The following RPS6KB1 variants were observed in gnomAD, a reference collection of about 807,000 sequenced individuals.
RPS6KB1 encodes ribosomal protein S6 kinase B1.
A neutral mutation model predicts 70.2 loss-of-function variants in RPS6KB1; 12 were observed. That is an observed-to-expected ratio of 0.17 (90% CI 0.11 to 0.28). The LOEUF (loss-of-function observed/expected upper bound fraction) is 0.28, where lower values mean the gene tolerates loss of function less well. Among genes scored for constraint, RPS6KB1 ranks in the 10% least tolerant of loss-of-function variants. The pLI is 1.00. For synonymous variants in RPS6KB1, 175 were observed against 211.2 expected (o/e 0.83, Z 1.49); for missense variants, 270 against 646.6 (o/e 0.42, Z 6.32).
chr17:59,943,074 T>C (rs968043368), intron 13 of RPS6KB1, among the ~76,000 whole-genome samples: 1 of 152,140 alleles, frequency 6.6e-6, no homozygotes, highest in East Asian at 1.9e-4. Context: ...CAACACTGAA[T>C]AGTAATAATC....
At chr17:59,929,910 T>C (rs992958505) in intron 5 of RPS6KB1, among the ~76,000 whole-genome samples, 1 of 152,194 alleles carries the variant, frequency 6.6e-6, no homozygotes, top group Non-Finnish European at 1.5e-5. Context: ...TTTAAATATA[T>C]GTGTGTCACA....
chr17:59,929,135 T>G (rs994069440), intron 5 of RPS6KB1, among the ~76,000 whole-genome samples: 8 of 143,100 alleles, frequency 5.6e-5, no homozygotes, highest in Non-Finnish European at 1.2e-4. Flanking sequence ...AGTTTTGTTG[T>G]TTTTTTTTTT....
At position 59,912,313 on chromosome 17, in the gene RPS6KB1, C is replaced by T. The variant is rs1476269676; in HGVS notation, c.192-371C>T. ...TCCAGAAATACGGCCTCAATATGTG[C>T]GCCAGTGTTTCTATCAGTAAACGAA... On this transcript the variant is annotated intron_variant, in intron 2 of 14. Transcript: ENST00000225577. 13 of 231,976 alleles carry T rather than the reference C, an allele frequency of 5.6e-5. No homozygotes were observed. In the South Asian group the frequency reaches 5.8e-4, roughly 10 times the overall value. The allele number at this position is 231,976 out of a possible 1,614,324, so 14.4% of individuals were successfully genotyped here.
intron 4 of RPS6KB1, among the ~76,000 whole-genome samples, chr17:59,919,726 G>A (rs550341257): frequency 6.6e-6 from 1 of 152,064 alleles, no homozygotes; most frequent in African/African-American, 2.4e-5. Flanking sequence ...TTAGTATGGA[G>A]ATGGGAGCCT....
chr17:59,895,782 A>C (rs953804974), intron 1 of RPS6KB1, among the ~76,000 whole-genome samples: 1 of 150,170 alleles, frequency 6.7e-6, no homozygotes, highest in Non-Finnish European at 1.5e-5. Flanking sequence ...ACAGGCGCGC[A>C]CCACCATGCC....
intron 1 of RPS6KB1, among the ~76,000 whole-genome samples, chr17:59,896,754 C>T (rs939173150): frequency 6.6e-6 from 1 of 151,968 alleles, no homozygotes; most frequent in Non-Finnish European, 1.5e-5. Flanking sequence ...GAGGAAGAGA[C>T]TTCTGTAAAA....
chr17:59,939,826 A>G (rs1278318495), intron 12 of RPS6KB1, among the ~76,000 whole-genome samples: 1 of 152,200 alleles, frequency 6.6e-6, no homozygotes, highest in East Asian at 1.9e-4. Context: ...TATAAGGTCA[A>G]TGTGGTCATC....
At chr17:59,902,911 G>A (rs770965734) in intron 1 of RPS6KB1, among the ~76,000 whole-genome samples, 21 of 152,024 alleles carry the variant, frequency 1.4e-4, no homozygotes, top group Non-Finnish European at 2.8e-4. Flanking sequence ...CTGGGTGTGG[G>A]GGCTCATGCC....
At chr17:59,928,112 C>T (rs1011199890) in intron 5 of RPS6KB1, among the ~76,000 whole-genome samples, 7 of 151,698 alleles carry the variant, frequency 4.6e-5, no homozygotes, top group African/African-American at 1.5e-4. Flanking sequence ...GAGCTGAGAT[C>T]GCGCCAGTAC....
chr17:59,944,643 C>A (rs1034204855), intron 13 of RPS6KB1, among the ~76,000 whole-genome samples: 1 of 152,100 alleles, frequency 6.6e-6, no homozygotes, highest in African/African-American at 2.4e-5. Flanking sequence ...AGAAAGATCA[C>A]AAGATCTGAC....
intron 1 of RPS6KB1, among the ~76,000 whole-genome samples, chr17:59,899,536 A>G (rs1302249062): frequency 6.6e-6 from 1 of 152,218 alleles, no homozygotes; most frequent in African/African-American, 2.4e-5. Context: ...TAAAGAAAAA[A>G]CAATTATGTA....
intron 2 of RPS6KB1, chr17:59,912,464 AATTG>A (rs2042704135): frequency 4.6e-6 from 2 of 435,682 alleles, no homozygotes; most frequent in Non-Finnish European, 4.2e-6. Context: ...ATAAGTAAAT[AATTG>A]ATTGCCCATT....
rs932529748 is a variant in RPS6KB1, at chr17:59,893,863, C to A, written c.141+538C>A. 1.0e-6 allele frequency: 1 copy of A among 985,412 alleles called. No homozygotes were observed. Among genetic ancestry groups the A allele is most frequent in the Non-Finnish European group, 1.2e-6 (1 of 830,040 alleles). 61.0% of individuals were successfully genotyped at this position (985,412 alleles called of 1,614,324 possible). A position where few individuals can be genotyped will look rare whatever the true frequency, so the allele number is the denominator to read the frequency against. On this transcript the variant is annotated intron_variant, in intron 1 of 14. Transcript: ENST00000225577. The surrounding 1 kb of genome is among the most constrained non-coding windows in gnomAD (Gnocchi z 4.1). ...GGGAGTAGCACTGCCGCTGCTGTTA[C>A]AGCCACCAGGAGTTTTATTTCGGGA...
Position 59,930,163 on chromosome 17 carries a change from A to C in RPS6KB1, c.576A>C (p.Glu192Asp). The change falls in exon 6 of 15, where the codon GAA becomes GAC. Residue 192 changes from glutamate (E) to aspartate (D), a missense_variant. Physicochemically the swap from Glu to Asp is conservative, Grantham distance 45. Around this residue, in one of 4 missense-constraint regions of RPS6KB1, gnomAD observed 21 missense variants for 135.9 expected, o/e 0.15. Coordinates refer to ENST00000225577, the MANE Select transcript of RPS6KB1 (RefSeq NM_003161.4). ...MQLEREGIFMEDTACFYLAEI... is the reference protein window; with the variant it reads ...MQLEREGIFMDDTACFYLAEI... Reference sequence around the variant, plus strand: ...TAGAAAGAGAGGGAATATTTATGGAAGACACTGCCTGGTAAGTGAACTTTT... The same window carrying C: ...TAGAAAGAGAGGGAATATTTATGGACGACACTGCCTGGTAAGTGAACTTTT... The C allele has an allele frequency of 6.5e-7, 1 of 1,532,454 alleles. No homozygotes were observed. Among genetic ancestry groups the C allele is most frequent in the Non-Finnish European group, 9.0e-7 (1 of 1,105,646 alleles). The allele number at this position is 1,532,454 out of a possible 1,614,324, so 94.9% of individuals were successfully genotyped here. A position where few individuals can be genotyped will look rare whatever the true frequency, so the allele number is the denominator to read the frequency against.
In RPS6KB1 at chr17:59,893,643, G is replaced by T. The variant is rs1001022595; in HGVS notation, c.141+318G>T. ...GTGTGGCGGGGAGCGGGTGGCGTGA[G>T]CGTGTGTTGGGGAGACGGGGGCTGC... On this transcript the variant is annotated intron_variant, in intron 1 of 14. Transcript: ENST00000225577. The surrounding 1 kb of genome is among the most constrained non-coding windows in gnomAD (Gnocchi z 4.1). 7.9e-5 allele frequency among the ~76,000 whole-genome samples: 12 copies of T among 152,186 alleles called. No homozygotes were observed. Among genetic ancestry groups the T allele is most frequent in the African/African-American group, 2.9e-4 (12 of 41,442 alleles).
intron 12 of RPS6KB1, among the ~76,000 whole-genome samples, chr17:59,939,822 G>A (rs1248783120): frequency 6.6e-6 from 1 of 152,160 alleles, no homozygotes; most frequent in African/African-American, 2.4e-5. Flanking sequence ...GAATTATAAG[G>A]TCAATGTGGT....
At chr17:59,936,562 A>G (rs533704684) in intron 12 of RPS6KB1, 21 bp downstream of exon 12, 2 of 1,596,912 alleles carry the variant, frequency 1.3e-6, no homozygotes, top group African/African-American at 1.3e-5. Flanking sequence ...ATGAAAGTGT[A>G]TAATTGGGTG....
intron 4 of RPS6KB1, among the ~76,000 whole-genome samples, chr17:59,920,852 C>G (rs1485015867): frequency 6.6e-6 from 1 of 152,142 alleles, no homozygotes; most frequent in Non-Finnish European, 1.5e-5. Flanking sequence ...GTGTGTACCA[C>G]CACGCCTGGC....
In RPS6KB1 at chr17:59,893,531, C is replaced by T. The variant is rs1465528504; in HGVS notation, c.141+206C>T. Among the ~76,000 whole-genome samples, 1 of 152,210 alleles carries T rather than the reference C, an allele frequency of 6.6e-6. No homozygotes were observed. The highest frequency in any genetic ancestry group is 1.5e-5 in the Non-Finnish European group (1 of 68,028). On this transcript the variant is annotated intron_variant, in intron 1 of 14. Transcript: ENST00000225577. The surrounding 1 kb of genome is among the most constrained non-coding windows in gnomAD (Gnocchi z 4.1). Reference sequence around the variant, plus strand: ...GGGGCTCGCAGGTGCAGGTCGCACCCTTAGCCCCAGGTCAGCGCAGCCCCG... The same window carrying T: ...GGGGCTCGCAGGTGCAGGTCGCACCTTTAGCCCCAGGTCAGCGCAGCCCCG...
Sources: gnomAD v4.1 joint callset for allele counts (sites outside exome capture counted in the v4.1 genomes callset) on GRCh38, gnomAD v4.1.1 for gene constraint, gnomAD v4.1.1 regional missense constraint, Gnocchi (gnomAD v3.1) non-coding constraint, MANE v1.5 for transcripts, NCBI Gene and HGNC (gene_info 2026-07-23, HGNC 2026-07-21) for gene names.